Variants in NAALADL2 observed in about 807,000 individuals in gnomAD.
NAALADL2 encodes N-acetylated alpha-linked acidic dipeptidase like 2.
A neutral mutation model predicts 87.2 loss-of-function variants in NAALADL2; 76 were observed. The observed-to-expected ratio is 0.87, with a 90% CI of 0.72 to 1.05. The LOEUF (loss-of-function observed/expected upper bound fraction) is 1.05. Among genes scored for constraint, NAALADL2 ranks in the 50% least tolerant of loss-of-function variants. The probability of loss-of-function intolerance (pLI) is 0.00; values close to 1 mark genes in which losing one functional copy is unlikely to be tolerated. For missense variants in NAALADL2, 1,089 were observed against 945.8 expected, an observed-to-expected ratio of 1.15 and a Z score of -1.99; for synonymous variants, 354 against 331.0, an observed-to-expected ratio of 1.07 and a Z score of -0.75.
intron 1 of NAALADL2, among the ~76,000 whole-genome samples, chr3:175,091,220 C>T (rs1371255897): frequency 1.3e-5 from 2 of 151,966 alleles, no homozygotes; most frequent in Non-Finnish European, 2.9e-5. Context: ...CCTATGGGTA[C>T]TATGTAGTTC....
At chr3:174,869,311 A>G (rs1158372972) in intron 1 of NAALADL2, among the ~76,000 whole-genome samples, 1 of 151,806 alleles carries the variant, frequency 6.6e-6, no homozygotes, top group South Asian at 2.1e-4. Flanking sequence ...AGAAGAGTGG[A>G]AAAAAGAGGT....
At chr3:175,515,202 T>A (rs943335168) in intron 9 of NAALADL2, among the ~76,000 whole-genome samples, 8 of 152,208 alleles carry the variant, frequency 5.3e-5, no homozygotes, top group Admixed American at 6.5e-5. Flanking sequence ...TTGCAACAAC[T>A]TGTTCCATTA....
At chr3:174,957,636 A>G (rs1402353220) in intron 1 of NAALADL2, among the ~76,000 whole-genome samples, 1 of 151,970 alleles carries the variant, frequency 6.6e-6, no homozygotes, top group African/African-American at 2.4e-5. Context: ...TTTCATTCCA[A>G]GAAACATTCC....
At chr3:174,771,220 A>G (rs1334936151) in intron 3 of NAALADL2, among the ~76,000 whole-genome samples, 2 of 152,210 alleles carry the variant, frequency 1.3e-5, no homozygotes, top group African/African-American at 2.4e-5. Context: ...CTCTAATGGA[A>G]GAGATATAAA....
chr3:175,731,636 T>G (rs751855602), intron 11 of NAALADL2, among the ~76,000 whole-genome samples: 3 of 152,170 alleles, frequency 2.0e-5, no homozygotes, highest in Non-Finnish European at 4.4e-5. Flanking sequence ...AGTATACAAA[T>G]CTTCCTCTTG....
At chr3:175,256,144 G>T (rs1219469047) in intron 3 of NAALADL2, among the ~76,000 whole-genome samples, 1 of 152,132 alleles carries the variant, frequency 6.6e-6, no homozygotes, top group Non-Finnish European at 1.5e-5. Context: ...TCTGTTAGAA[G>T]AATGAACTGT....
intron 11 of NAALADL2, among the ~76,000 whole-genome samples, chr3:175,661,307 T>C (rs1254673979): frequency 6.6e-6 from 1 of 152,040 alleles, no homozygotes; most frequent in Non-Finnish European, 1.5e-5. Context: ...GTTTGTTTGT[T>C]TTTTAGAAAT....
At position 174,707,301 on chromosome 3, in the gene NAALADL2, T is replaced by C. The variant is rs532638977; in HGVS notation, c.-114-30340T>C. Reference sequence around the variant, plus strand: ...CCACCAATCCCCATTACTGGGTATATACCTGAAGGAATATAAACCATGCTG... The same window carrying C: ...CCACCAATCCCCATTACTGGGTATACACCTGAAGGAATATAAACCATGCTG... On this transcript the variant is annotated intron_variant, in intron 2 of 3. Transcript: ENST00000434257. Among the ~76,000 whole-genome samples the C allele has an allele frequency of 6.6e-5, 10 of 152,212 alleles. No homozygotes were observed. The South Asian group carries it at 2.1e-3, about 32-fold the overall frequency.
intron 6 of NAALADL2, among the ~76,000 whole-genome samples, chr3:175,452,139 A>C (rs748900526): frequency 9.8e-5 from 15 of 152,314 alleles, no homozygotes; most frequent in Non-Finnish European, 1.9e-4. Flanking sequence ...TACATATGAA[A>C]CTAATCAATG....
intron 1 of NAALADL2, among the ~76,000 whole-genome samples, chr3:174,490,742 T>G (rs1213329490): frequency 2.0e-5 from 3 of 152,070 alleles, no homozygotes; most frequent in Non-Finnish European, 1.5e-5. Flanking sequence ...GGAAGAGCCT[T>G]TCTATTCAAA....
intron 3 of NAALADL2, among the ~76,000 whole-genome samples, chr3:174,787,578 T>TATATATATATATATATATATATAC (rs1560225336): frequency 6.8e-4 from 20 of 29,398 alleles, no homozygotes; most frequent in East Asian, 3.8e-3. Flanking sequence ...TATATCATCA[T>TATATATATATATATATATATATAC]ATATATATAT....
chr3:175,423,830 G>A (rs566200013), intron 5 of NAALADL2, among the ~76,000 whole-genome samples: 30 of 152,266 alleles, frequency 2.0e-4, no homozygotes, highest in African/African-American at 7.2e-4. Flanking sequence ...AGATCCCTGA[G>A]GAATCACCAC....
At chr3:174,618,608 A>G (rs1395667909) in intron 2 of NAALADL2, among the ~76,000 whole-genome samples, 2 of 151,852 alleles carry the variant, frequency 1.3e-5, no homozygotes, top group Non-Finnish European at 3.0e-5. Context: ...CCATTTCTGC[A>G]GTGTTACAGG....
chr3:175,199,864 A>ATATATT (rs1560154077), intron 2 of NAALADL2, among the ~76,000 whole-genome samples: 2 of 13,052 alleles, frequency 1.5e-4, no homozygotes, highest in African/African-American at 2.3e-4. Flanking sequence ...ATATATATAT[A>ATATATT]TTTTTTTTTT....
chr3:175,343,253 T>C (rs1314786007), intron 5 of NAALADL2, among the ~76,000 whole-genome samples: 4 of 152,102 alleles, frequency 2.6e-5, no homozygotes, highest in African/African-American at 9.7e-5. Flanking sequence ...TATATAGTTA[T>C]TAAAACCCTT....
chr3:174,816,857 A>G (rs1720867135), intron 3 of NAALADL2, among the ~76,000 whole-genome samples: 2 of 152,198 alleles, frequency 1.3e-5, no homozygotes, highest in South Asian at 4.1e-4. Context: ...AAACCAGCTC[A>G]ATGATTAGGA....
chr3:174,528,345 A>G (rs1055892006), intron 1 of NAALADL2, among the ~76,000 whole-genome samples: 1 of 152,218 alleles, frequency 6.6e-6, no homozygotes, highest in Non-Finnish European at 1.5e-5. Context: ...TTACAAATGT[A>G]GTCACCAGGC....
intron 3 of NAALADL2, among the ~76,000 whole-genome samples, chr3:174,841,415 T>C (rs1447363856): frequency 6.6e-6 from 1 of 152,260 alleles, no homozygotes; most frequent in Non-Finnish European, 1.5e-5. Flanking sequence ...AGAAAGCTGT[T>C]ATCCCATGAA....
chr3:174,565,761 G>A (rs989010475), intron 2 of NAALADL2, among the ~76,000 whole-genome samples: 2 of 151,944 alleles, frequency 1.3e-5, no homozygotes, highest in Admixed American at 1.3e-4. Context: ...GTCTTCTGAG[G>A]TGTCTGTACC....
Sources: allele counts gnomAD v4.1 joint callset (sites outside exome capture counted in the v4.1 genomes callset), GRCh38; gene constraint gnomAD v4.1.1; transcripts MANE v1.5; gene names NCBI Gene and HGNC (gene_info 2026-07-23, HGNC 2026-07-21).